SBF2: variants seen among roughly 807,000 people sequenced by gnomAD.
SBF2 encodes the protein SET binding factor 2.
A neutral mutation model predicts 225.2 loss-of-function variants in SBF2; 112 were observed. That is an observed-to-expected ratio of 0.50 (90% CI 0.43 to 0.58). SBF2 has a LOEUF of 0.58. Among genes scored for constraint, SBF2 ranks in the 20% least tolerant of loss-of-function variants. The pLI, the probability that SBF2 is intolerant of heterozygous loss-of-function variation, is 0.00. For synonymous variants in SBF2, 763 were observed against 773.3 expected, an observed-to-expected ratio of 0.99 and a Z score of 0.22; for missense variants, 1,996 against 2,206.2, an observed-to-expected ratio of 0.90 and a Z score of 1.91.
intron 2 of SBF2, among the ~76,000 whole-genome samples, chr11:10,183,892 C>G (rs1956830379): frequency 6.6e-6 from 1 of 152,116 alleles, no homozygotes; most frequent in Admixed American, 6.6e-5. Flanking sequence ...AGAGTCATAG[C>G]TAAATGGGAA....
At chr11:9,968,713 A>T (rs1867128876) in intron 13 of SBF2, among the ~76,000 whole-genome samples, 168 bp from the exon 14 acceptor site, 1 of 152,204 alleles carries the variant, frequency 6.6e-6, no homozygotes, top group Non-Finnish European at 1.5e-5. Flanking sequence ...TACATGCTCT[A>T]TCAGCAGCAT....
intron 17 of SBF2, among the ~76,000 whole-genome samples, chr11:9,863,581 G>A (rs1392356744): frequency 6.6e-6 from 1 of 152,190 alleles, no homozygotes; most frequent in Admixed American, 6.5e-5. Context: ...ACCAAGTCCA[G>A]ATATTAAATC....
At chr11:9,903,691 T>C (rs938134153) in intron 16 of SBF2, among the ~76,000 whole-genome samples, 1 of 152,330 alleles carries the variant, frequency 6.6e-6, no homozygotes, top group African/African-American at 2.4e-5. Flanking sequence ...TAGGACTTTA[T>C]TTATACGCTG....
intron 1 of SBF2, among the ~76,000 whole-genome samples, chr11:10,203,050 G>A (rs143126632): frequency 3.3e-5 from 5 of 151,660 alleles, no homozygotes; most frequent in South Asian, 2.1e-4. Flanking sequence ...TAGCTGGGGT[G>A]GGGGGGTGAG....
At chr11:10,121,233 A>G (rs1953431969) in intron 2 of SBF2, among the ~76,000 whole-genome samples, 1 of 152,230 alleles carries the variant, frequency 6.6e-6, no homozygotes, top group Non-Finnish European at 1.5e-5. Flanking sequence ...GATAATGCAT[A>G]GATAGGTAAT....
At chr11:9,967,734 G>C (rs1333630273) in intron 14 of SBF2, among the ~76,000 whole-genome samples, 1 of 152,118 alleles carries the variant, frequency 6.6e-6, no homozygotes, top group African/African-American at 2.4e-5. Flanking sequence ...TGACTAACAT[G>C]GAGAAACTCT....
At chr11:10,095,374 C>A (rs1590943839) in intron 2 of SBF2, among the ~76,000 whole-genome samples, 1 of 152,180 alleles carries the variant, frequency 6.6e-6, no homozygotes, top group Admixed American at 6.5e-5. Flanking sequence ...GAGGGCTAAA[C>A]ATGTGCAGAG....
chr11:10,241,013 A>T, intron 1 of SBF2, among the ~76,000 whole-genome samples: 1 of 152,198 alleles, frequency 6.6e-6, no homozygotes, highest in South Asian at 2.1e-4. Context: ...TTTGTGTCAC[A>T]GATTAGAGTG....
intron 36 of SBF2, 140 bp downstream of exon 36, chr11:9,787,494 A>G (rs929001492): frequency 5.0e-5 from 36 of 725,808 alleles, no homozygotes; most frequent in Non-Finnish European, 1.5e-5. Flanking sequence ...CTGGACCTCC[A>G]GGACATGACC....
chr11:10,202,656 C>T (rs907411424), intron 1 of SBF2, among the ~76,000 whole-genome samples: 5 of 152,072 alleles, frequency 3.3e-5, no homozygotes, highest in East Asian at 1.9e-4. Context: ...GGCGTGGTGG[C>T]GGGTGCCTGC....
chr11:9,781,588 A>G lies in SBF2; in HGVS notation c.5370T>C (p.Asp1790=), dbSNP rs1203280956. The G allele has an allele frequency of 3.1e-6, 5 of 1,614,254 alleles. No homozygotes were observed. Among genetic ancestry groups the G allele is most frequent in the Non-Finnish European group, 4.2e-6 (5 of 1,180,038 alleles). The change falls in exon 39 of 40, where the codon GAT becomes GAC. Residue 1790 remains aspartate (D), a synonymous_variant. Transcript: ENST00000256190. The part of the protein sequence containing the change: ...GEDTSCKGHI[D]LAEVEMVIPA... ...GGATGACCATTTCTACTTCAGCCAG[A>G]TCAATGTGGCCTTTACAGCTTGTGT...
In SBF2 at chr11:9,790,564, C is replaced by T. The variant is rs1852676144; in HGVS notation, c.4690G>A (p.Glu1564Lys). The T allele has an allele frequency of 7.6e-6, 12 of 1,585,548 alleles. No individual in the cohort carries two copies. The East Asian group carries it at 2.7e-4, about 35-fold the overall frequency. The change falls in exon 34 of 40, where the codon GAA becomes AAA. Residue 1564 changes from glutamate to lysine, a missense_variant. Coordinates refer to ENST00000256190, the MANE Select transcript of SBF2 (RefSeq NM_030962.4). ...IFFNYLYSPL[E>K]IEALKPNVNV... ...ATGATTTCTTACTCTACCTCTATTT[C>T]CAATGGTGAATATAAATAATTAAAG... is the stretch of plus-strand genomic sequence containing the variant.
intron 1 of SBF2, among the ~76,000 whole-genome samples, chr11:10,210,441 C>T (rs977858292): frequency 5.3e-5 from 8 of 152,150 alleles, no homozygotes; most frequent in African/African-American, 1.9e-4. Flanking sequence ...AACAATTTCA[C>T]TTACATATCA....
At position 10,104,807 on chromosome 11, in the gene SBF2, C is replaced by T. The variant is rs74396612; in HGVS notation, c.142-61826G>A. The stretch of plus-strand genomic sequence containing the variant: ...AAGTTTTCCTTTATTTGCTATATGA[C>T]CTTAGGACCATTTCCAGAGACTTAA... On this transcript the variant is annotated intron_variant, in intron 2 of 39. Transcript: ENST00000256190. Among the ~76,000 whole-genome samples, 1,305 of 152,248 alleles carry T rather than the reference C, an allele frequency of 8.6e-3. 12 individuals are homozygous for T. The highest frequency in any genetic ancestry group is 0.03 in the African/African-American group (1,229 of 41,538).
At chr11:9,847,180 A>G in intron 22 of SBF2, 97 bp from the exon 23 acceptor site, 1 of 1,465,606 alleles carries the variant, frequency 6.8e-7, no homozygotes, top group Non-Finnish European at 9.6e-7. Context: ...AGAGAAATGT[A>G]TTTGAAGAGG....
intron 2 of SBF2, among the ~76,000 whole-genome samples, chr11:10,189,301 T>C (rs1957066702): frequency 6.6e-6 from 1 of 152,208 alleles, no homozygotes; most frequent in Non-Finnish European, 1.5e-5. Context: ...TGAACCCTGA[T>C]TCTGTCATCT....
chr11:9,999,223 C>T (rs1250186490), intron 8 of SBF2, among the ~76,000 whole-genome samples: 4 of 152,076 alleles, frequency 2.6e-5, no homozygotes, highest in Non-Finnish European at 5.9e-5. Flanking sequence ...TTTGTCCTAC[C>T]TCCAGCGACT....
chr11:10,028,420 A>G (rs780528267), intron 6 of SBF2, 32 bp downstream of exon 6: 19 of 1,305,860 alleles, frequency 1.5e-5, no homozygotes, highest in South Asian at 5.9e-5. Context: ...GGCTTCTACA[A>G]GATGACATTG....
chr11:9,789,385 G>T, intron 34 of SBF2, 43 bp from the exon 35 acceptor site: 1 of 1,487,732 alleles, frequency 6.7e-7, no homozygotes, highest in Non-Finnish European at 9.4e-7. Context: ...TGACCCCAAA[G>T]TACCCCAAGC....
Sources: allele counts gnomAD v4.1 joint callset (sites outside exome capture counted in the v4.1 genomes callset), GRCh38; gene constraint gnomAD v4.1.1; transcripts MANE v1.5; gene names NCBI Gene and HGNC (gene_info 2026-07-23, HGNC 2026-07-21).